The following CHCHD3 variants were observed in gnomAD, a reference collection of about 807,000 sequenced individuals.
The protein encoded by CHCHD3 is coiled-coil-helix-coiled-coil-helix domain containing 3, also known as MICOS complex subunit MIC19.
A neutral mutation model predicts 38.2 loss-of-function variants in CHCHD3; 20 were observed. The observed-to-expected ratio is 0.52, with a 90% CI of 0.37 to 0.76. The LOEUF is 0.76. CHCHD3 is among the 30% of genes least tolerant of loss of function. CHCHD3 has a pLI of 0.00. For missense variants in CHCHD3, 245 were observed against 279.2 expected, an observed-to-expected ratio of 0.88 and a Z score of 0.87; for synonymous variants, 82 against 100.0, an observed-to-expected ratio of 0.82 and a Z score of 1.07.
chr7:132,864,852 A>C (rs1204427110), intron 5 of CHCHD3, among the ~76,000 whole-genome samples: 1 of 152,204 alleles, frequency 6.6e-6, no homozygotes, highest in Non-Finnish European at 1.5e-5. Context: ...ACCCTAAATA[A>C]AATATAAAAA....
intron 3 of CHCHD3, among the ~76,000 whole-genome samples, chr7:132,994,504 C>A (rs965104003): frequency 1.3e-5 from 2 of 152,116 alleles, no homozygotes; most frequent in African/African-American, 4.8e-5. Context: ...GAGTGATATC[C>A]GTTTTTGAAA....
At chr7:132,852,558 A>T (rs1019810210) in intron 5 of CHCHD3, among the ~76,000 whole-genome samples, 3 of 152,226 alleles carry the variant, frequency 2.0e-5, no homozygotes, top group African/African-American at 7.2e-5. Context: ...TCTCATAAAG[A>T]ATCAGAAGAC....
intron 4 of CHCHD3, among the ~76,000 whole-genome samples, chr7:132,919,132 G>A (rs1218190082): frequency 6.1e-5 from 5 of 82,060 alleles, no homozygotes; most frequent in Admixed American, 2.2e-4. Flanking sequence ...TTTTTGAGAC[G>A]GAGTCTTGCT....
intron 5 of CHCHD3, among the ~76,000 whole-genome samples, chr7:132,868,780 T>G (rs1808693359): frequency 6.6e-6 from 1 of 152,140 alleles, no homozygotes; most frequent in Non-Finnish European, 1.5e-5. Context: ...AAAGACCTTT[T>G]AACCAGGACT....
chr7:132,926,530 T>A (rs1810382627), intron 4 of CHCHD3, among the ~76,000 whole-genome samples: 1 of 152,170 alleles, frequency 6.6e-6, no homozygotes, highest in African/African-American at 2.4e-5. Flanking sequence ...AAGTATTCTA[T>A]CCGTAAAAGG....
intron 2 of CHCHD3, 149 bp downstream of exon 2, chr7:133,069,993 A>G: frequency 1.8e-6 from 1 of 566,310 alleles, no homozygotes. Context: ...ATTTTAAAAG[A>G]AACCCCAATA....
intron 6 of CHCHD3, among the ~76,000 whole-genome samples, chr7:132,834,325 C>T (rs1485200461): frequency 6.6e-6 from 1 of 152,094 alleles, no homozygotes; most frequent in Non-Finnish European, 1.5e-5. Flanking sequence ...AATCAAAATA[C>T]AACATTCTAG....
In CHCHD3 at chr7:132,935,178, C is replaced by T. The variant is rs193099046; in HGVS notation, c.369+39991G>A. 8.8e-4 allele frequency among the ~76,000 whole-genome samples: 134 copies of T among 152,276 alleles called. No homozygotes were observed. The Middle Eastern group carries it at 0.031, about 35-fold the overall frequency. On this transcript the variant is annotated intron_variant, in intron 4 of 7. Coordinates refer to ENST00000262570, the MANE Select transcript of CHCHD3 (RefSeq NM_017812.4). ...GCCTACTGGCAAAACTATTCAAGGCCTCACAAAATTAGAAAACTAACAAAA... is the reference window on the plus strand; with the variant it reads ...GCCTACTGGCAAAACTATTCAAGGCTTCACAAAATTAGAAAACTAACAAAA...
At chr7:133,075,281 G>A (rs1348260432) in intron 1 of CHCHD3, among the ~76,000 whole-genome samples, 1 of 152,134 alleles carries the variant, frequency 6.6e-6, no homozygotes, top group East Asian at 1.9e-4. Context: ...TGCACCAAAG[G>A]AGTATATACT....
chr7:132,867,480 AAACTTACAG>A (rs1044624836), intron 5 of CHCHD3, among the ~76,000 whole-genome samples: 4 of 152,224 alleles, frequency 2.6e-5, no homozygotes, highest in Non-Finnish European at 5.9e-5. Flanking sequence ...GAATTCAGCA[AAACTTACAG>A]AACTTACAGA....
chr7:132,811,808 A>C (rs527705451), intron 6 of CHCHD3, among the ~76,000 whole-genome samples: 2 of 152,126 alleles, frequency 1.3e-5, no homozygotes, highest in East Asian at 3.9e-4. Context: ...TCAATGTTGG[A>C]GTTCCTTGGA....
At chr7:132,985,956 T>C (rs985822448) in intron 3 of CHCHD3, among the ~76,000 whole-genome samples, 3 of 151,874 alleles carry the variant, frequency 2.0e-5, no homozygotes, top group Non-Finnish European at 4.4e-5. Context: ...TTTTGTGGAA[T>C]AGAAAGGGGG....
At chr7:132,792,449 G>T (rs575797505) in intron 7 of CHCHD3, among the ~76,000 whole-genome samples, 6 of 152,284 alleles carry the variant, frequency 3.9e-5, no homozygotes, top group Admixed American at 3.3e-4. Context: ...TCAAAGAAAG[G>T]GTACGTAGCA....
chr7:133,035,787 C>T lies in CHCHD3; in HGVS notation c.170-11160G>A. 1.2e-6 allele frequency: 2 copies of T among 1,613,110 alleles called. No homozygotes were observed. Among genetic ancestry groups the T allele is most frequent in the Non-Finnish European group, 1.7e-6 (2 of 1,179,210 alleles). ...AAATTTGCGAAGAAATTCAGAGGTG[C>T]GGTTGGTTTGGCCAAAATGGAAGTG... On this transcript the variant is annotated intron_variant, in intron 2 of 7. Coordinates refer to ENST00000262570, the MANE Select transcript of CHCHD3 (RefSeq NM_017812.4). The surrounding 1 kb of genome is among the most constrained non-coding windows in gnomAD (Gnocchi z 4.7).
rs77367129 is a variant in CHCHD3 at position 132,814,237 on chromosome 7, C to T, written c.525-17660G>A. On this transcript the variant is annotated intron_variant, in intron 6 of 7. Coordinates refer to ENST00000262570, the MANE Select transcript of CHCHD3 (RefSeq NM_017812.4). ...AGTTTTCTGTATCTTTAAGGTCATA[C>T]ATGTTATTTTGTGAAGCCACGCTAG... is the stretch of plus-strand genomic sequence containing the variant. Among the ~76,000 whole-genome samples, 1,447 of 151,142 alleles carry T rather than the reference C, an allele frequency of 9.6e-3. 17 individuals are homozygous for T. Among genetic ancestry groups the T allele is most frequent in the Non-Finnish European group, 0.015 (1,027 of 67,976 alleles).
intron 3 of CHCHD3, among the ~76,000 whole-genome samples, chr7:133,022,999 T>A (rs1417671707): frequency 6.6e-6 from 1 of 151,520 alleles, no homozygotes; most frequent in Non-Finnish European, 1.5e-5. Flanking sequence ...AAAACCCCTA[T>A]TAAAATAAAA....
At chr7:133,029,777 T>A (rs945894527) in intron 2 of CHCHD3, among the ~76,000 whole-genome samples, 1 of 152,102 alleles carries the variant, frequency 6.6e-6, no homozygotes, top group Non-Finnish European at 1.5e-5. Context: ...CCCTGCCACT[T>A]GCTGTGGGGT....
At chr7:132,928,549 TAGCC>T (rs1562911070) in intron 4 of CHCHD3, among the ~76,000 whole-genome samples, 1 of 151,786 alleles carries the variant, frequency 6.6e-6, no homozygotes, top group Non-Finnish European at 1.5e-5. Context: ...ATACAAAAAT[TAGCC>T]AGGCATGGTG....
At chr7:132,823,929 G>A (rs570468902) in intron 6 of CHCHD3, among the ~76,000 whole-genome samples, 2 of 152,044 alleles carry the variant, frequency 1.3e-5, no homozygotes, top group African/African-American at 2.4e-5. Context: ...TCTGCCTAAT[G>A]CCCTAGGACT....
Sources: allele counts gnomAD v4.1 joint callset (sites outside exome capture counted in the v4.1 genomes callset), GRCh38; gene constraint gnomAD v4.1.1; non-coding constraint Gnocchi (gnomAD v3.1); transcripts MANE v1.5; gene names NCBI Gene and HGNC (gene_info 2026-07-23, HGNC 2026-07-21).